Variants in FOXP1 observed in about 807,000 individuals in gnomAD.
FOXP1 encodes forkhead box protein P1.
Under a neutral mutation model 98.2 loss-of-function variants are expected in FOXP1, and 15 were observed. That is an observed-to-expected ratio of 0.15 (90% CI 0.10 to 0.24). The LOEUF is 0.24. Among genes scored for constraint, FOXP1 ranks in the 10% least tolerant of loss-of-function variants. The pLI is 1.00. For missense variants in FOXP1, 633 were observed against 848.5 expected, an observed-to-expected ratio of 0.75 and a Z score of 3.15; for synonymous variants, 371 against 314.5, an observed-to-expected ratio of 1.18 and a Z score of -1.90.
intron 5 of FOXP1, 149 bp from the exon 6 acceptor site, chr3:71,198,541 T>G: frequency 1.5e-5 from 11 of 713,080 alleles, no homozygotes; most frequent in Non-Finnish European, 1.9e-5. Context: ...ACTCAACTTA[T>G]CCCCTCATTA....
intron 5 of FOXP1, among the ~76,000 whole-genome samples, chr3:71,292,307 T>C (rs1241174268): frequency 6.6e-6 from 1 of 152,194 alleles, no homozygotes; most frequent in Non-Finnish European, 1.5e-5. Context: ...AGGTTTCTCT[T>C]AATTAAAAAG....
intron 6 of FOXP1, among the ~76,000 whole-genome samples, chr3:71,182,686 T>G (rs1247704862): frequency 6.6e-6 from 1 of 151,844 alleles, no homozygotes; most frequent in Non-Finnish European, 1.5e-5. Context: ...AGTGCCGCCA[T>G]GCCCAGCTAA....
At chr3:71,131,192 T>C (rs943790927) in intron 6 of FOXP1, among the ~76,000 whole-genome samples, 2 of 152,124 alleles carry the variant, frequency 1.3e-5, no homozygotes, top group Admixed American at 6.5e-5. Flanking sequence ...TTACATTTTC[T>C]TTCTCCACCA....
At chr3:71,089,407 T>G (rs75789872) in intron 7 of FOXP1, among the ~76,000 whole-genome samples, 2,346 of 152,294 alleles carry the variant, frequency 0.015, 53 homozygotes, top group African/African-American at 0.054. Flanking sequence ...CCTCACATTT[T>G]GACTGCAATC....
At chr3:71,091,713 T>G (rs546782098) in intron 7 of FOXP1, among the ~76,000 whole-genome samples, 1 of 152,306 alleles carries the variant, frequency 6.6e-6, no homozygotes, top group Non-Finnish European at 1.5e-5. Flanking sequence ...AACCAATGAA[T>G]GTAATGCTAT....
chr3:71,134,656 C>A (rs1400574654), intron 6 of FOXP1, among the ~76,000 whole-genome samples: 8 of 152,136 alleles, frequency 5.3e-5, no homozygotes, highest in African/African-American at 1.7e-4. Flanking sequence ...TAAATGAGAA[C>A]AGAGAAGCAC....
intron 4 of FOXP1, among the ~76,000 whole-genome samples, chr3:71,306,784 C>A (rs1053476088): frequency 2.4e-4 from 36 of 152,036 alleles, no homozygotes; most frequent in African/African-American, 8.2e-4. Context: ...AAAAACATTA[C>A]CCCCATATTA....
chr3:71,555,653 G>C (rs1366087553), intron 2 of FOXP1, among the ~76,000 whole-genome samples: 2 of 152,164 alleles, frequency 1.3e-5, no homozygotes, highest in African/African-American at 4.8e-5. Flanking sequence ...GATGTTTACA[G>C]TGGGTGGAAC....
intron 7 of FOXP1, 96 bp downstream of exon 7, chr3:71,112,440 A>T: frequency 1.0e-6 from 1 of 1,000,266 alleles, no homozygotes; most frequent in Non-Finnish European, 1.6e-6. Flanking sequence ...AGATTTTCTT[A>T]CATGATTTGC....
At chr3:71,252,837 C>G (rs1194663478) in intron 5 of FOXP1, among the ~76,000 whole-genome samples, 2 of 152,182 alleles carry the variant, frequency 1.3e-5, no homozygotes, top group African/African-American at 4.8e-5. Flanking sequence ...AGTGATAAAC[C>G]TTTCTTACTC....
chr3:71,495,339 G>A (rs774014081), intron 2 of FOXP1, among the ~76,000 whole-genome samples: 45 of 152,232 alleles, frequency 3.0e-4, no homozygotes, highest in Non-Finnish European at 5.4e-4. Flanking sequence ...TTACTTCAGA[G>A]CTTTCGCCCT....
chr3:71,504,296 A>G (rs1007302626), intron 2 of FOXP1, among the ~76,000 whole-genome samples: 5 of 152,172 alleles, frequency 3.3e-5, no homozygotes, highest in Non-Finnish European at 7.3e-5. Context: ...ACTTAAAAGG[A>G]GCAGAAACGA....
intron 7 of FOXP1, among the ~76,000 whole-genome samples, chr3:71,081,203 GAA>G (rs1398269952): frequency 6.6e-6 from 1 of 152,188 alleles, no homozygotes; most frequent in African/African-American, 2.4e-5. Context: ...GTGGCAATCT[GAA>G]AAGTGTTCTA....
chr3:71,332,684 G>A (rs2076410163), intron 4 of FOXP1: 1 of 152,542 alleles, frequency 6.6e-6, no homozygotes, highest in Non-Finnish European at 1.5e-5. Context: ...GTTGCAGTGT[G>A]CTGAGATCAT....
intron 2 of FOXP1, among the ~76,000 whole-genome samples, chr3:71,542,260 T>C (rs1397322933): frequency 4.6e-5 from 7 of 152,274 alleles, no homozygotes; most frequent in Non-Finnish European, 1.0e-4. Flanking sequence ...TAGGTCTTTT[T>C]AGCTCTTAAG....
chr3:71,469,733 C>A (rs28611353), intron 3 of FOXP1, among the ~76,000 whole-genome samples: 6,094 of 152,140 alleles, frequency 0.04, 394 homozygotes, highest in African/African-American at 0.14. Flanking sequence ...AGCCAGGGAG[C>A]TAAAAACCGT....
chr3:71,043,655 C>T (rs555762597), intron 10 of FOXP1, among the ~76,000 whole-genome samples: 1 of 152,256 alleles, frequency 6.6e-6, no homozygotes, highest in Admixed American at 6.5e-5. Context: ...ATGAAAAGAA[C>T]AAGCCACCTA....
chr3:71,116,128 G>A (rs1367346710), intron 6 of FOXP1, among the ~76,000 whole-genome samples: 2 of 152,208 alleles, frequency 1.3e-5, no homozygotes, highest in Non-Finnish European at 2.9e-5. Flanking sequence ...TGCTTACTGA[G>A]CTGGCTCTAC....
At chr3:71,357,507 T>C (rs1374817590) in intron 4 of FOXP1, among the ~76,000 whole-genome samples, 1 of 152,242 alleles carries the variant, frequency 6.6e-6, no homozygotes, top group African/African-American at 2.4e-5. Context: ...GTAACCATAA[T>C]GGTTGCTCAG....
Sources: allele counts gnomAD v4.1 joint callset (sites outside exome capture counted in the v4.1 genomes callset), GRCh38; gene constraint gnomAD v4.1.1; transcripts MANE v1.5; gene names NCBI Gene and HGNC (gene_info 2026-07-23, HGNC 2026-07-21).